Variants in GRID2 observed in about 807,000 individuals in gnomAD.
GRID2 encodes the protein glutamate ionotropic receptor delta type subunit 2, also known as glutamate receptor ionotropic, delta-2.
In GRID2, 33 loss-of-function variants were observed where a neutral mutation model predicts 114.8. That is an observed-to-expected ratio of 0.29 (90% CI 0.22 to 0.38). The LOEUF is 0.38. GRID2 is among the 10% of genes least tolerant of loss of function. The pLI is 1.00. For synonymous variants in GRID2, 505 were observed against 449.9 expected (o/e 1.12, Z -1.55); for missense variants, 1,184 against 1,257.7 (o/e 0.94, Z 0.89).
intron 8 of GRID2, among the ~76,000 whole-genome samples, chr4:93,384,811 T>A (rs1764167838): frequency 6.6e-6 from 1 of 152,162 alleles, no homozygotes; most frequent in Non-Finnish European, 1.5e-5. Flanking sequence ...TACGCCTGAC[T>A]TTCTCATGCT....
chr4:93,614,876 C>T (rs1741434673), intron 13 of GRID2, among the ~76,000 whole-genome samples: 1 of 152,152 alleles, frequency 6.6e-6, no homozygotes, highest in Non-Finnish European at 1.5e-5. Flanking sequence ...ACAGCAATAA[C>T]ATGTTCTTTT....
chr4:92,779,780 T>C (rs1280210804), intron 2 of GRID2, among the ~76,000 whole-genome samples: 1 of 152,192 alleles, frequency 6.6e-6, no homozygotes, highest in African/African-American at 2.4e-5. Context: ...TCATCTGGAA[T>C]AAAGTCAGGG....
intron 2 of GRID2, among the ~76,000 whole-genome samples, chr4:92,614,610 C>G (rs1395867935): frequency 6.6e-6 from 1 of 151,580 alleles, no homozygotes; most frequent in Non-Finnish European, 1.5e-5. Context: ...TTCATTGACA[C>G]TTACTCTATA....
At chr4:92,764,111 C>T (rs1738148555) in intron 2 of GRID2, among the ~76,000 whole-genome samples, 1 of 152,082 alleles carries the variant, frequency 6.6e-6, no homozygotes, top group South Asian at 2.1e-4. Flanking sequence ...TCTAGCGATT[C>T]CATCCATAAT....
chr4:93,771,174 C>T (rs6835980), intron 15 of GRID2, among the ~76,000 whole-genome samples: 6,279 of 152,084 alleles, frequency 0.041, 427 homozygotes, highest in African/African-American at 0.14. Context: ...AATTTTATTT[C>T]CTTCCAGTTT....
intron 3 of GRID2, among the ~76,000 whole-genome samples, chr4:93,103,842 T>G (rs1578995237): frequency 6.7e-6 from 1 of 148,728 alleles, no homozygotes; most frequent in African/African-American, 2.5e-5. Context: ...AATCCCTTGT[T>G]TTTTTTTTTT....
intron 7 of GRID2, among the ~76,000 whole-genome samples, chr4:93,225,455 G>A (rs1447528558): frequency 1.3e-5 from 2 of 152,094 alleles, no homozygotes; most frequent in South Asian, 2.1e-4. Flanking sequence ...GTCTTGTACC[G>A]CCTCTTGGAT....
At chr4:93,046,268 G>A (rs1405331269) in intron 2 of GRID2, among the ~76,000 whole-genome samples, 1 of 151,992 alleles carries the variant, frequency 6.6e-6, no homozygotes, top group East Asian at 1.9e-4. Flanking sequence ...GACCAGTGAT[G>A]ACCAATAACA....
intron 2 of GRID2, among the ~76,000 whole-genome samples, chr4:92,779,014 T>G (rs1466523978): frequency 6.6e-6 from 1 of 152,084 alleles, no homozygotes; most frequent in African/African-American, 2.4e-5. Context: ...TTTCAGTTCA[T>G]TCACTGGAAA....
At position 92,619,905 on chromosome 4, in the gene GRID2, T is replaced by TTC. The variant is rs1553908412; in HGVS notation, c.244+29619_244+29620insTC. Among the ~76,000 whole-genome samples, 248 of 151,762 alleles carry TTC rather than the reference T, an allele frequency of 1.6e-3. 1 individual carries two copies. The highest frequency in any genetic ancestry group is 5.9e-3 in the African/African-American group (244 of 41,468). On this transcript the variant is annotated intron_variant, in intron 2 of 15. Transcript: ENST00000282020. The stretch of plus-strand genomic sequence containing the variant: ...GCGAAGTTACACATGCCTTTTTTTT[T>TTC]CCCCCACAGGAGGGATAGAGAAATT...
At chr4:92,928,079 C>A (rs1181832322) in intron 2 of GRID2, among the ~76,000 whole-genome samples, 2 of 151,604 alleles carry the variant, frequency 1.3e-5, no homozygotes, top group African/African-American at 4.8e-5. Context: ...AAAAGGGCTA[C>A]CAGTGCTTTG....
intron 14 of GRID2, among the ~76,000 whole-genome samples, chr4:93,753,086 T>G (rs1290680243): frequency 6.6e-6 from 1 of 152,206 alleles, no homozygotes; most frequent in Non-Finnish European, 1.5e-5. Flanking sequence ...ACCATCAGAT[T>G]GTTAGATATG....
At chr4:93,649,358 G>A (rs1722385424) in intron 14 of GRID2, among the ~76,000 whole-genome samples, 1 of 151,730 alleles carries the variant, frequency 6.6e-6, no homozygotes, top group African/African-American at 2.4e-5. Flanking sequence ...TATCCTACTT[G>A]GCCACTCTCC....
At chr4:92,409,085 G>A (rs1731172484) in intron 1 of GRID2, among the ~76,000 whole-genome samples, 1 of 152,018 alleles carries the variant, frequency 6.6e-6, no homozygotes, top group East Asian at 1.9e-4. Context: ...CTCCCATTCT[G>A]TATGATTTGG....
At chr4:92,880,285 A>C (rs1315068089) in intron 2 of GRID2, among the ~76,000 whole-genome samples, 1 of 152,170 alleles carries the variant, frequency 6.6e-6, no homozygotes, top group Non-Finnish European at 1.5e-5. Flanking sequence ...CTGGTCTTTG[A>C]GGGGCTTTAT....
chr4:92,474,077 T>C (rs578248964), intron 1 of GRID2, among the ~76,000 whole-genome samples: 2 of 151,712 alleles, frequency 1.3e-5, no homozygotes, highest in Admixed American at 6.6e-5. Flanking sequence ...AAATACATTA[T>C]AATTAACTGT....
At chr4:93,329,158 T>G (rs1403168697) in intron 8 of GRID2, among the ~76,000 whole-genome samples, 1 of 152,064 alleles carries the variant, frequency 6.6e-6, no homozygotes, top group Non-Finnish European at 1.5e-5. Flanking sequence ...TAAAGGGGTT[T>G]CAAGAAGGAA....
intron 2 of GRID2, among the ~76,000 whole-genome samples, chr4:93,023,759 C>A (rs999391407): frequency 6.6e-6 from 1 of 151,738 alleles, no homozygotes; most frequent in African/African-American, 2.4e-5. Flanking sequence ...ATGGGTGTTA[C>A]ATTTTGTTTC....
chr4:92,807,313 C>T (rs1740467450), intron 2 of GRID2, among the ~76,000 whole-genome samples: 1 of 151,782 alleles, frequency 6.6e-6, no homozygotes, highest in South Asian at 2.1e-4. Context: ...TGCTTATTTT[C>T]AGAGGACTCA....
Sources: gnomAD v4.1 joint callset for allele counts (sites outside exome capture counted in the v4.1 genomes callset) on GRCh38, gnomAD v4.1.1 for gene constraint, MANE v1.5 for transcripts, NCBI Gene and HGNC (gene_info 2026-07-23, HGNC 2026-07-21) for gene names.